Variants in NRXN1 observed in about 807,000 individuals in gnomAD.
NRXN1 encodes the protein neurexin 1.
A neutral mutation model predicts 150.9 loss-of-function variants in NRXN1; 39 were observed. The ratio of observed to expected loss-of-function variants is 0.26; its 90% CI spans 0.20 to 0.34. The LOEUF is 0.34. Ranked by LOEUF, NRXN1 falls within the 10% of genes least tolerant of loss-of-function variation. The probability of loss-of-function intolerance (pLI) is 1.00; values close to 1 mark genes in which losing one functional copy is unlikely to be tolerated. For synonymous variants in NRXN1, 924 were observed against 757.0 expected (o/e 1.22, Z -3.62); for missense variants, 1,815 against 1,949.9 (o/e 0.93, Z 1.30).
At chr2:50,996,348 G>C (rs571455040) in intron 2 of NRXN1, among the ~76,000 whole-genome samples, 1 of 151,998 alleles carries the variant, frequency 6.6e-6, no homozygotes, top group South Asian at 2.1e-4. Context: ...CTGGTGCTGG[G>C]GTTAAGGTAA....
intron 17 of NRXN1, among the ~76,000 whole-genome samples, chr2:50,444,755 G>T (rs952148063): frequency 6.6e-6 from 1 of 152,032 alleles, no homozygotes; most frequent in African/African-American, 2.4e-5. Flanking sequence ...ATAAAGACAA[G>T]ATCAATAACA....
chr2:50,427,935 G>C (rs1558713899), intron 17 of NRXN1, among the ~76,000 whole-genome samples: 1 of 152,106 alleles, frequency 6.6e-6, no homozygotes. Flanking sequence ...CTGAAAAATG[G>C]ATACAAAGAC....
intron 5 of NRXN1, chr2:50,829,740 G>C: frequency 6.3e-7 from 1 of 1,583,540 alleles, no homozygotes; most frequent in Admixed American, 1.8e-5. Context: ...AGCGCCCAAG[G>C]TTGCACGGCA....
chr2:50,727,309 C>A (rs1373001469), intron 5 of NRXN1, among the ~76,000 whole-genome samples: 1 of 152,136 alleles, frequency 6.6e-6, no homozygotes, highest in African/African-American at 2.4e-5. Flanking sequence ...AACATACATG[C>A]TTTGTGAAGA....
chr2:50,271,003 T>C (rs755293527), intron 17 of NRXN1, among the ~76,000 whole-genome samples: 4 of 152,182 alleles, frequency 2.6e-5, no homozygotes, highest in Non-Finnish European at 5.9e-5. Context: ...CAAATACTCA[T>C]GCCATTTATG....
At chr2:50,032,017 G>T (rs1475564153) in intron 21 of NRXN1, among the ~76,000 whole-genome samples, 1 of 151,780 alleles carries the variant, frequency 6.6e-6, no homozygotes, top group Admixed American at 6.6e-5. Context: ...TGTAACAGAT[G>T]GAATGTATTA....
intron 17 of NRXN1, among the ~76,000 whole-genome samples, chr2:50,366,550 A>G (rs1351371334): frequency 6.6e-6 from 1 of 152,020 alleles, no homozygotes; most frequent in Non-Finnish European, 1.5e-5. Context: ...ATGTCCCACT[A>G]AAAATACTTG....
chr2:50,962,681 T>G (rs1053628465), intron 2 of NRXN1, among the ~76,000 whole-genome samples: 11 of 151,672 alleles, frequency 7.3e-5, no homozygotes, highest in Non-Finnish European at 8.9e-5. Context: ...GTTATGATTT[T>G]GCTATAAATT....
Position 50,272,424 on chromosome 2 carries a change from A to G in NRXN1, c.3365-35454T>C, listed in dbSNP as rs555606561. ...AGCATTCAATAAAACTTGATACTGA[A>G]AACAACAGCTCCCATTGAACAACTG... On this transcript the variant is annotated intron_variant, in intron 17 of 22. Coordinates refer to ENST00000401669, the MANE Select transcript of NRXN1 (RefSeq NM_001330078.2). 2.6e-5 allele frequency among the ~76,000 whole-genome samples: 4 copies of G among 152,306 alleles called. No homozygotes were observed. In the South Asian group the frequency reaches 8.3e-4, roughly 32 times the overall value.
chr2:50,417,774 C>G (rs974884185), intron 17 of NRXN1, among the ~76,000 whole-genome samples: 2 of 151,666 alleles, frequency 1.3e-5, no homozygotes, highest in Non-Finnish European at 2.9e-5. Context: ...ATTAAAGAAA[C>G]AAAGAAGAAA....
chr2:50,197,503 T>C (rs1025310196), intron 18 of NRXN1, among the ~76,000 whole-genome samples: 20 of 152,170 alleles, frequency 1.3e-4, no homozygotes, highest in Non-Finnish European at 2.1e-4. Context: ...ATGTCTACGT[T>C]ACAGAGATTG....
chr2:51,027,806 C>T lies in NRXN1; in HGVS notation c.468G>A (p.Gly156=), dbSNP rs1483281701. 3 of 1,613,080 alleles carry T rather than the reference C, an allele frequency of 1.9e-6. No individual in the cohort carries two copies. Among genetic ancestry groups the T allele is most frequent in the East Asian group, 2.2e-5 (1 of 44,828 alleles). The stretch of plus-strand genomic sequence containing the variant: ...CGGCGCGCAGTTCCGGGGGCAGCCC[C>T]CCGACGAAAAGGCCGCTGAACACCG... ...DMTVFSGLFV[G]GLPPELRAAA... Residue 156 remains glycine, a synonymous_variant, in exon 2 of 23, where the codon GGG becomes GGA. Transcript: ENST00000401669.
chr2:50,893,205 C>A (rs1036283166), intron 5 of NRXN1, among the ~76,000 whole-genome samples: 7 of 152,118 alleles, frequency 4.6e-5, no homozygotes, highest in Non-Finnish European at 8.8e-5. Context: ...CCCTGGAGCA[C>A]CCAGCTGTCA....
At position 50,371,557 on chromosome 2, in the gene NRXN1, G is replaced by T. The variant is rs962911412; in HGVS notation, c.3364+93885C>A. On this transcript the variant is annotated intron_variant, in intron 17 of 22. Transcript: ENST00000401669. ...AGTTGAGTTAAGTGATTTATTCAGAGTTGCAAGGTTAATTAAATTATAGAC... is the reference window on the plus strand; with the variant it reads ...AGTTGAGTTAAGTGATTTATTCAGATTTGCAAGGTTAATTAAATTATAGAC... Among the ~76,000 whole-genome samples the T allele has an allele frequency of 4.6e-5, 7 of 151,932 alleles. No individual in the cohort carries two copies. In the East Asian group the frequency reaches 1.2e-3, roughly 25 times the overall value.
chr2:50,313,976 T>C (rs1193784342), intron 17 of NRXN1, among the ~76,000 whole-genome samples: 1 of 152,052 alleles, frequency 6.6e-6, no homozygotes. Context: ...CAGCACATAA[T>C]GTAGTTTAAT....
chr2:50,624,922 A>T (rs1351339801), intron 5 of NRXN1: 1 of 152,082 alleles, frequency 6.6e-6, no homozygotes, highest in African/African-American at 2.4e-5. Context: ...AACCAAAGGA[A>T]GAATGTAAGC....
chr2:50,551,342 T>TA (rs528238118), intron 9 of NRXN1: 2 of 152,050 alleles, frequency 1.3e-5, no homozygotes, highest in Non-Finnish European at 2.9e-5. Context: ...TTTTGTTAGG[T>TA]AAAAAACATA....
intron 5 of NRXN1, among the ~76,000 whole-genome samples, chr2:50,822,477 T>C (rs1469640591): frequency 1.3e-5 from 2 of 152,058 alleles, no homozygotes; most frequent in East Asian, 1.9e-4. Flanking sequence ...TATATTCCAC[T>C]CTTGAGAGAT....
chr2:50,086,440 G>T (rs187833069), intron 19 of NRXN1, among the ~76,000 whole-genome samples: 1 of 152,130 alleles, frequency 6.6e-6, no homozygotes, highest in East Asian at 1.9e-4. Flanking sequence ...GCATGATCAC[G>T]AGAAAAGATT....
Sources: gnomAD v4.1 joint callset for allele counts (sites outside exome capture counted in the v4.1 genomes callset) on GRCh38, gnomAD v4.1.1 for gene constraint, MANE v1.5 for transcripts, NCBI Gene and HGNC (gene_info 2026-07-23, HGNC 2026-07-21) for gene names.